TANGO6: variants seen among roughly 807,000 people sequenced by gnomAD.
TANGO6 encodes transport and Golgi organization protein 6 homolog.
In TANGO6, 90 loss-of-function variants were observed where a neutral mutation model predicts 114.2. The observed-to-expected ratio is 0.79, with a 90% confidence interval of 0.66 to 0.94. The LOEUF (loss-of-function observed/expected upper bound fraction) is 0.94, where lower values mean the gene tolerates loss of function less well. Among genes scored for constraint, TANGO6 ranks in the 40% least tolerant of loss-of-function variants. The pLI is 0.00. For synonymous variants in TANGO6, 477 were observed against 509.8 expected (o/e 0.94, Z 0.87); for missense variants, 1,274 against 1,315.3 (o/e 0.97, Z 0.49).
At chr16:68,875,058 A>G (rs948631235) in intron 4 of TANGO6, 96 bp from the exon 5 acceptor site, 10 of 1,336,406 alleles carry the variant, frequency 7.5e-6, no homozygotes, top group African/African-American at 1.5e-5. Context: ...AGAAAAGATA[A>G]ATGCATTTTA....
chr16:68,904,273 A>G (rs970927814), intron 9 of TANGO6, among the ~76,000 whole-genome samples: 7 of 152,144 alleles, frequency 4.6e-5, no homozygotes, highest in African/African-American at 1.7e-4. Flanking sequence ...TGCCAGGCTA[A>G]CGTCGTGTTG....
At position 69,014,772 on chromosome 16, in the gene TANGO6, A is replaced by G. The variant is rs577399227; in HGVS notation, c.2843-8056A>G. Among the ~76,000 whole-genome samples the G allele has an allele frequency of 2.4e-4, 36 of 151,820 alleles. 1 individual carries two copies. The South Asian group carries it at 6.7e-3, about 28-fold the overall frequency. On this transcript the variant is annotated intron_variant, in intron 15 of 17. Transcript: ENST00000261778. The stretch of plus-strand genomic sequence containing the variant: ...CAGCTGGGCATGGTGGTGTGCATCT[A>G]TAGTCCCACCCTACTCAGGAGGCTA...
At chr16:68,981,463 G>A (rs899176190) in intron 15 of TANGO6, among the ~76,000 whole-genome samples, 5 of 151,652 alleles carry the variant, frequency 3.3e-5, no homozygotes, top group African/African-American at 7.3e-5. Context: ...CACCTGCCTC[G>A]GCCTCCAAAA....
Position 68,919,166 on chromosome 16 carries a change from A to G in TANGO6, c.2074A>G (p.Thr692Ala), listed in dbSNP as rs956668359. Residue 692 changes from threonine (T) to alanine (A), a missense_variant, in exon 12 of 18, where the codon ACG becomes GCG. By Grantham distance (58) the Thr-to-Ala change is moderately conservative. Coordinates refer to ENST00000261778, the MANE Select transcript of TANGO6 (RefSeq NM_024562.2). ...GGCAGAGAGCACCGTGGAATCACAG[A>G]CGCTGAGCATGTCCATGGGGCTGGT... ...HQAESTVESQ[T>A]LSMSMGLVAV... 1.2e-6 allele frequency: 2 copies of G among 1,612,800 alleles called. No individual in the cohort carries two copies. Among genetic ancestry groups the G allele is most frequent in the Admixed American group, 1.7e-5 (1 of 59,816 alleles).
At chr16:69,050,386 G>C (rs1340101193) in intron 17 of TANGO6, among the ~76,000 whole-genome samples, 3 of 151,952 alleles carry the variant, frequency 2.0e-5, no homozygotes, top group Non-Finnish European at 4.4e-5. Flanking sequence ...TGGTCATCCT[G>C]GCTGGAATGG....
chr16:68,909,612 C>T (rs780762319), intron 11 of TANGO6: 6 of 388,012 alleles, frequency 1.5e-5, no homozygotes, highest in African/African-American at 4.1e-5. Flanking sequence ...AACAAGCTCC[C>T]GAGGTGATTC....
chr16:68,900,078 C>T (rs987262039), intron 7 of TANGO6, among the ~76,000 whole-genome samples: 4 of 152,130 alleles, frequency 2.6e-5, no homozygotes, highest in African/African-American at 9.7e-5. Context: ...AATAGCAGGG[C>T]CTTCAGCAGT....
At chr16:68,913,184 G>A (rs898219047) in intron 11 of TANGO6, among the ~76,000 whole-genome samples, 4 of 151,542 alleles carry the variant, frequency 2.6e-5, no homozygotes, top group African/African-American at 9.7e-5. Flanking sequence ...TCCCACCTTA[G>A]CCTCTCAAAT....
intron 1 of TANGO6, among the ~76,000 whole-genome samples, chr16:68,857,999 T>C (rs1371952468): frequency 6.6e-6 from 1 of 152,144 alleles, no homozygotes; most frequent in Non-Finnish European, 1.5e-5. Flanking sequence ...GTAACCTTGA[T>C]GTTATTTCTT....
intron 15 of TANGO6, among the ~76,000 whole-genome samples, chr16:68,993,929 ACT>A (rs1441720214): frequency 6.6e-6 from 1 of 152,158 alleles, no homozygotes; most frequent in Non-Finnish European, 1.5e-5. Context: ...GGAGGCACTT[ACT>A]GTCTGGAGCA....
chr16:68,910,571 A>T (rs1962908607), intron 11 of TANGO6, among the ~76,000 whole-genome samples: 1 of 152,246 alleles, frequency 6.6e-6, no homozygotes, highest in Admixed American at 6.5e-5. Flanking sequence ...CCATTAAATT[A>T]TCCTTCAGCT....
chr16:69,030,086 C>T (rs1244765676), intron 16 of TANGO6, among the ~76,000 whole-genome samples: 1 of 134,784 alleles, frequency 7.4e-6, no homozygotes, highest in Non-Finnish European at 1.5e-5. Flanking sequence ...CCAGCCTGGG[C>T]GACAGAGCGA....
At chr16:69,052,653 TGGGAGGTATGA>T (rs1308410262) in intron 17 of TANGO6, among the ~76,000 whole-genome samples, 1 of 151,972 alleles carries the variant, frequency 6.6e-6, no homozygotes, top group East Asian at 1.9e-4. Context: ...CTGGCCTATG[TGGGAGGTATGA>T]AGAAACAGTC....
chr16:69,024,336 G>A (rs1292833694), intron 16 of TANGO6, among the ~76,000 whole-genome samples: 3 of 151,082 alleles, frequency 2.0e-5, no homozygotes, highest in Admixed American at 6.6e-5. Context: ...GCACGATCTC[G>A]GCTTACTGCA....
At chr16:68,994,639 A>G (rs117868335) in intron 15 of TANGO6, among the ~76,000 whole-genome samples, 8,175 of 151,100 alleles carry the variant, frequency 0.054, 298 homozygotes, top group Non-Finnish European at 0.075. Flanking sequence ...CAGTGGCACT[A>G]TCATGGCTCA....
intron 11 of TANGO6, among the ~76,000 whole-genome samples, chr16:68,916,391 TCTAA>T (rs1361688198): frequency 6.6e-6 from 1 of 152,088 alleles, no homozygotes; most frequent in East Asian, 1.9e-4. Flanking sequence ...CTTATGAGAA[TCTAA>T]CTAACACCTG....
At chr16:69,051,279 G>A (rs1452525782) in intron 17 of TANGO6, among the ~76,000 whole-genome samples, 2 of 152,008 alleles carry the variant, frequency 1.3e-5, no homozygotes, top group Admixed American at 6.6e-5. Flanking sequence ...GGTGGCTCAC[G>A]CCTGTAATCC....
intron 1 of TANGO6, among the ~76,000 whole-genome samples, chr16:68,857,095 C>T (rs935175092): frequency 2.0e-5 from 3 of 152,136 alleles, no homozygotes; most frequent in African/African-American, 7.2e-5. Flanking sequence ...GGCGACAGAG[C>T]GAGACTGTCT....
intron 14 of TANGO6, among the ~76,000 whole-genome samples, chr16:68,932,045 T>C (rs752538605): frequency 9.2e-5 from 14 of 151,886 alleles, no homozygotes; most frequent in Non-Finnish European, 2.1e-4. Context: ...TTGTATGGTA[T>C]GTGAGTTATA....
Sources: allele counts gnomAD v4.1 joint callset (sites outside exome capture counted in the v4.1 genomes callset), GRCh38; gene constraint gnomAD v4.1.1; transcripts MANE v1.5; gene names NCBI Gene and HGNC (gene_info 2026-07-23, HGNC 2026-07-21).